The following VAV3 variants were observed in gnomAD, a reference collection of about 807,000 sequenced individuals.
VAV3 encodes vav guanine nucleotide exchange factor 3.
In VAV3, 94 loss-of-function variants were observed where a neutral mutation model predicts 131.2. The ratio of observed to expected loss-of-function variants is 0.72; its 90% confidence interval spans 0.61 to 0.85. VAV3 has a LOEUF of 0.85. VAV3 is among the 40% of genes least tolerant of loss of function. The probability of loss-of-function intolerance (pLI) is 0.00; values close to 1 mark genes in which losing one functional copy is unlikely to be tolerated. For synonymous variants in VAV3, 349 were observed against 342.0 expected (o/e 1.02, Z -0.22); for missense variants, 939 against 1,002.7 (o/e 0.94, Z 0.86).
intron 15 of VAV3, among the ~76,000 whole-genome samples, chr1:107,726,324 T>A (rs902921205): frequency 6.6e-6 from 1 of 152,186 alleles, no homozygotes; most frequent in African/African-American, 2.4e-5. Context: ...TTAGGTTTGA[T>A]CCTCACACAA....
chr1:107,793,705 T>C (rs1401504723), intron 2 of VAV3, among the ~76,000 whole-genome samples: 1 of 152,230 alleles, frequency 6.6e-6, no homozygotes, highest in Non-Finnish European at 1.5e-5. Flanking sequence ...GATTTTGTTA[T>C]TTATATTATG....
intron 6 of VAV3, 79 bp from the exon 7 acceptor site, chr1:107,768,588 C>A: frequency 8.3e-7 from 1 of 1,205,150 alleles, no homozygotes; most frequent in South Asian, 1.4e-5. Flanking sequence ...CAACAAACAA[C>A]AAATACGTTT....
chr1:107,641,842 T>G (rs568061860), intron 20 of VAV3, among the ~76,000 whole-genome samples: 1 of 152,148 alleles, frequency 6.6e-6, no homozygotes, highest in Non-Finnish European at 1.5e-5. Context: ...GAATTTTTAA[T>G]AAAAATGATA....
chr1:107,902,457 C>T (rs1056450746), intron 1 of VAV3, among the ~76,000 whole-genome samples: 7 of 152,118 alleles, frequency 4.6e-5, no homozygotes, highest in Non-Finnish European at 4.4e-5. Context: ...GGAAGAATAA[C>T]GCATCTATTT....
intron 1 of VAV3, among the ~76,000 whole-genome samples, chr1:107,876,220 C>A (rs1042269592): frequency 6.6e-6 from 1 of 152,076 alleles, no homozygotes; most frequent in Non-Finnish European, 1.5e-5. Context: ...TTTAGACCAA[C>A]GGATTGGTCA....
chr1:107,797,275 G>A (rs141433808), intron 2 of VAV3, among the ~76,000 whole-genome samples: 1 of 152,232 alleles, frequency 6.6e-6, no homozygotes, highest in East Asian at 1.9e-4. Flanking sequence ...ACACTAGTTT[G>A]CCTCTTAGTA....
At chr1:107,639,021 G>GAT (rs887189595) in intron 20 of VAV3, among the ~76,000 whole-genome samples, 120 of 151,196 alleles carry the variant, frequency 7.9e-4, no homozygotes, top group African/African-American at 2.7e-3. Context: ...TACACATAAA[G>GAT]ATATATATAC....
intron 1 of VAV3, among the ~76,000 whole-genome samples, chr1:107,960,704 C>T (rs944301079): frequency 6.6e-6 from 1 of 152,092 alleles, no homozygotes; most frequent in Admixed American, 6.6e-5. Flanking sequence ...ACTTAATGAC[C>T]TCAGGAGCTT....
At chr1:107,621,938 A>C (rs1020635539) in intron 20 of VAV3, among the ~76,000 whole-genome samples, 1 of 152,170 alleles carries the variant, frequency 6.6e-6, no homozygotes, top group Non-Finnish European at 1.5e-5. Context: ...GGTCATTCTT[A>C]TGAAAATACA....
chr1:107,960,373 C>T (rs548313765), intron 1 of VAV3, among the ~76,000 whole-genome samples: 1 of 151,668 alleles, frequency 6.6e-6, no homozygotes, highest in East Asian at 1.9e-4. Context: ...GGCTCAGGAA[C>T]GAGAAACTCT....
At chr1:107,938,287 G>A (rs1673818911) in intron 1 of VAV3, among the ~76,000 whole-genome samples, 1 of 152,136 alleles carries the variant, frequency 6.6e-6, no homozygotes, top group African/African-American at 2.4e-5. Flanking sequence ...CTAAGGTCAA[G>A]GGCCAGCCCT....
chr1:107,790,340 C>T (rs1666221597), intron 2 of VAV3, among the ~76,000 whole-genome samples: 1 of 152,226 alleles, frequency 6.6e-6, no homozygotes, highest in African/African-American at 2.4e-5. Flanking sequence ...CTACCACATG[C>T]CAGGCCCAGC....
At chr1:107,809,390 C>A (rs1184472382) in intron 2 of VAV3, among the ~76,000 whole-genome samples, 3 of 152,176 alleles carry the variant, frequency 2.0e-5, no homozygotes, top group Non-Finnish European at 4.4e-5. Context: ...AAGAGCATTA[C>A]TGTATCAGCA....
chr1:107,767,670 A>C (rs6583047), intron 7 of VAV3, among the ~76,000 whole-genome samples: 102,328 of 152,048 alleles, frequency 0.67, 35,026 homozygotes, highest in Non-Finnish European at 0.73. Context: ...CAGGTCTGTG[A>C]ATAAAAGCTT....
chr1:107,891,301 G>C (rs180946647), intron 1 of VAV3, among the ~76,000 whole-genome samples: 1 of 152,246 alleles, frequency 6.6e-6, no homozygotes, highest in East Asian at 1.9e-4. Context: ...TCTCCTCTCA[G>C]ATGTTATATC....
chr1:107,685,817 C>T (rs558110375), intron 18 of VAV3: 1 of 151,862 alleles, frequency 6.6e-6, no homozygotes, highest in African/African-American at 2.4e-5. Context: ...CATCTCTATG[C>T]GTATACTCCC....
rs183240640 is a variant in VAV3 at position 107,858,069 on chromosome 1, G to A, written c.321+16832C>T. Reference sequence around the variant, plus strand: ...CAATAATAAATGTAATAAAGAATATGCTTATACATTTTATACTTTTTGAGT... The same window carrying A: ...CAATAATAAATGTAATAAAGAATATACTTATACATTTTATACTTTTTGAGT... On this transcript the variant is annotated intron_variant, in intron 2 of 26. Transcript: ENST00000370056. Among the ~76,000 whole-genome samples the A allele has an allele frequency of 1.5e-3, 233 of 152,210 alleles. 2 individuals carry two copies. The highest frequency in any genetic ancestry group is 5.5e-3 in the African/African-American group (230 of 41,540).
intron 1 of VAV3, among the ~76,000 whole-genome samples, chr1:107,923,936 C>T (rs1275802414): frequency 6.6e-6 from 1 of 152,162 alleles, no homozygotes; most frequent in Non-Finnish European, 1.5e-5. Context: ...ACCACATCTG[C>T]TGGTATTTTC....
chr1:107,590,973 A>G (rs1255070915), intron 25 of VAV3, among the ~76,000 whole-genome samples: 1 of 152,170 alleles, frequency 6.6e-6, no homozygotes, highest in Non-Finnish European at 1.5e-5. Flanking sequence ...TTCTGTCTGT[A>G]AAACTTCAAT....
Sources: gnomAD v4.1 joint callset for allele counts (sites outside exome capture counted in the v4.1 genomes callset) on GRCh38, gnomAD v4.1.1 for gene constraint, MANE v1.5 for transcripts, NCBI Gene and HGNC (gene_info 2026-07-23, HGNC 2026-07-21) for gene names.